Variants in CSMD3 observed in about 807,000 individuals in gnomAD.
CSMD3 encodes CUB and Sushi multiple domains 3.
In CSMD3, 177 loss-of-function variants were observed where a neutral mutation model predicts 435.2. The ratio of observed to expected loss-of-function variants is 0.41; its 90% CI spans 0.36 to 0.46. The LOEUF (loss-of-function observed/expected upper bound fraction) is 0.46. Ranked by LOEUF, CSMD3 falls within the 20% of genes least tolerant of loss-of-function variation. CSMD3 has a pLI of 0.34. For missense variants in CSMD3, 4,265 were observed against 4,504.6 expected (o/e 0.95, Z 1.52); for synonymous variants, 1,656 against 1,520.5 (o/e 1.09, Z -2.07).
chr8:112,506,497 C>A (rs1212092492), intron 29 of CSMD3, among the ~76,000 whole-genome samples, 194 bp downstream of exon 29: 1 of 152,066 alleles, frequency 6.6e-6, no homozygotes, highest in Admixed American at 6.6e-5. Flanking sequence ...AATGGAGGCT[C>A]ACTCAAATAA....
chr8:112,833,098 C>T (rs1046865178), intron 11 of CSMD3, among the ~76,000 whole-genome samples: 2 of 152,050 alleles, frequency 1.3e-5, no homozygotes, highest in Non-Finnish European at 2.9e-5. Context: ...AAGTCAGATA[C>T]TCCACACACT....
At position 112,430,063 on chromosome 8, in the gene CSMD3, G is replaced by A. The variant is rs539056342; in HGVS notation, c.5396-21031C>T. Among the ~76,000 whole-genome samples the A allele has an allele frequency of 2.0e-5, 3 of 152,060 alleles. No individual in the cohort carries two copies. In the East Asian group the frequency reaches 5.8e-4, roughly 29 times the overall value. ...CTTTCTTACAAAGACCTCTTAGAAT[G>A]TATTTAATTTTGTCCTACACATCCA... On this transcript the variant is annotated intron_variant, in intron 32 of 70. Transcript: ENST00000297405.
At chr8:112,625,654 C>T (rs1834419101) in intron 22 of CSMD3, among the ~76,000 whole-genome samples, 1 of 152,052 alleles carries the variant, frequency 6.6e-6, no homozygotes, top group South Asian at 2.1e-4. Context: ...ATTGAGCATA[C>T]CAATAATTGA....
At chr8:113,376,877 T>C (rs980730671) in intron 1 of CSMD3, 2 of 1,608,646 alleles carry the variant, frequency 1.2e-6, no homozygotes, top group Non-Finnish European at 1.7e-6. Context: ...ATCTGGAAGA[T>C]GAAGCTTCCT....
chr8:113,041,163 G>A (rs1803285436), intron 5 of CSMD3, among the ~76,000 whole-genome samples: 1 of 134,946 alleles, frequency 7.4e-6, no homozygotes, highest in South Asian at 2.5e-4. Flanking sequence ...CCGAGATCGC[G>A]ACACTGCACG....
At chr8:112,381,605 A>G (rs1291391074) in intron 37 of CSMD3, among the ~76,000 whole-genome samples, 1 of 152,180 alleles carries the variant, frequency 6.6e-6, no homozygotes, top group East Asian at 1.9e-4. Context: ...GATGTCTTCT[A>G]TGGAAGAACA....
intron 38 of CSMD3, among the ~76,000 whole-genome samples, chr8:112,359,857 G>A (rs1827015872): frequency 1.3e-5 from 2 of 151,932 alleles, no homozygotes; most frequent in East Asian, 3.9e-4. Flanking sequence ...TGAATTTATG[G>A]ACCTAGGAAA....
At chr8:113,358,066 T>C (rs1479956772) in intron 1 of CSMD3, among the ~76,000 whole-genome samples, 2 of 152,218 alleles carry the variant, frequency 1.3e-5, no homozygotes, top group Non-Finnish European at 2.9e-5. Context: ...CATAAAAACA[T>C]CACAAATCTA....
At chr8:112,879,577 A>C (rs983315429) in intron 10 of CSMD3, among the ~76,000 whole-genome samples, 1 of 152,046 alleles carries the variant, frequency 6.6e-6, no homozygotes, top group African/African-American at 2.4e-5. Flanking sequence ...TGAACTCCAT[A>C]ATAAAAACTT....
At chr8:112,566,840 T>G (rs1829101879) in intron 24 of CSMD3, among the ~76,000 whole-genome samples, 2 of 152,084 alleles carry the variant, frequency 1.3e-5, no homozygotes, top group South Asian at 4.1e-4. Context: ...TCTGGTGTGT[T>G]ATGTAAATGT....
At chr8:112,383,208 T>C (rs1422998882) in intron 37 of CSMD3, among the ~76,000 whole-genome samples, 1 of 152,166 alleles carries the variant, frequency 6.6e-6, no homozygotes. Flanking sequence ...CATGACTTCA[T>C]AGCACACAAT....
intron 1 of CSMD3, among the ~76,000 whole-genome samples, chr8:113,378,287 CG>C (rs1389578327): frequency 2.6e-5 from 4 of 152,122 alleles, no homozygotes; most frequent in African/African-American, 9.7e-5. Flanking sequence ...TCAAAAAATA[CG>C]TATCCAATGC....
chr8:112,931,292 TC>T (rs539360483), intron 9 of CSMD3, among the ~76,000 whole-genome samples: 6 of 152,042 alleles, frequency 3.9e-5, no homozygotes, highest in Non-Finnish European at 8.8e-5. Flanking sequence ...GATTAAACTA[TC>T]CTGATTTAAA....
chr8:112,861,920 A>G (rs1457022296), intron 10 of CSMD3, among the ~76,000 whole-genome samples: 1 of 151,912 alleles, frequency 6.6e-6, no homozygotes, highest in Non-Finnish European at 1.5e-5. Context: ...CTTGTTTATC[A>G]TCTTTGTTAA....
At chr8:112,727,499 G>T (rs2076990670) in intron 13 of CSMD3, among the ~76,000 whole-genome samples, 1 of 151,770 alleles carries the variant, frequency 6.6e-6, no homozygotes, top group South Asian at 2.1e-4. Context: ...GACTATTCTT[G>T]GAGGGTGTTA....
intron 45 of CSMD3, among the ~76,000 whole-genome samples, chr8:112,331,471 G>T (rs1483874671): frequency 1.3e-5 from 2 of 151,710 alleles, no homozygotes; most frequent in Non-Finnish European, 2.9e-5. Context: ...TGTTATTTTT[G>T]ATCATAAAAG....
At chr8:112,548,164 A>G (rs1292619147) in intron 27 of CSMD3, among the ~76,000 whole-genome samples, 1 of 152,120 alleles carries the variant, frequency 6.6e-6, no homozygotes, top group Admixed American at 6.6e-5. Context: ...GTCTTCCTAT[A>G]GGGCAAAATG....
chr8:113,290,358 G>A (rs2093677730), intron 2 of CSMD3, among the ~76,000 whole-genome samples: 1 of 151,612 alleles, frequency 6.6e-6, no homozygotes, highest in Non-Finnish European at 1.5e-5. Flanking sequence ...GGAGTGTGGA[G>A]AACCTTTTCA....
chr8:112,370,023 G>GGAAGAAGAAGAA lies in CSMD3; in HGVS notation c.6136+10317_6136+10328dup, dbSNP rs71309767. Among the ~76,000 whole-genome samples, 653 of 66,460 alleles carry GGAAGAAGAAGAA rather than the reference G, an allele frequency of 9.8e-3. 9 individuals carry two copies. The highest frequency in any genetic ancestry group is 0.017 in the African/African-American group (272 of 15,564). 43.6% of individuals were successfully genotyped at this position (66,460 alleles called of 152,430 possible). A position where few individuals can be genotyped will look rare whatever the true frequency, so the allele number is the denominator to read the frequency against. ...AAGAAGAGGAAGAGGAAGAAGAAGA[G>GGAAGAAGAAGAA]GAAGAAGAAGAAGAAGAAGAAGAAG... On this transcript the variant is annotated intron_variant, in intron 38 of 70. Transcript: ENST00000297405.
Sources: gnomAD v4.1 joint callset for allele counts (sites outside exome capture counted in the v4.1 genomes callset) on GRCh38, gnomAD v4.1.1 for gene constraint, MANE v1.5 for transcripts, NCBI Gene and HGNC (gene_info 2026-07-23, HGNC 2026-07-21) for gene names.